TIMP4: variants seen among roughly 807,000 people sequenced by gnomAD.
TIMP4 encodes the protein metalloproteinase inhibitor 4.
A neutral mutation model predicts 27.3 loss-of-function variants in TIMP4; 28 were observed. The ratio of observed to expected loss-of-function variants is 1.03; its 90% CI spans 0.76 to 1.41. TIMP4 has a LOEUF of 1.41. Among genes scored for constraint, TIMP4 ranks in the 40% most tolerant of loss-of-function variants. The pLI is 0.00. For synonymous variants in TIMP4, 138 were observed against 115.5 expected, an observed-to-expected ratio of 1.20 and a Z score of -1.25; for missense variants, 307 against 285.5, an observed-to-expected ratio of 1.08 and a Z score of -0.54.
At chr3:12,154,207 C>T in intron 4 of TIMP4, 120 bp downstream of exon 4, 1 of 1,445,198 alleles carries the variant, frequency 6.9e-7, no homozygotes, top group Non-Finnish European at 9.4e-7. Flanking sequence ...CTTTCTCATC[C>T]CCAACTTCAT....
intron 1 of TIMP4, 83 bp from the exon 2 acceptor site, chr3:12,157,565 A>G (rs987642543): frequency 1.2e-5 from 16 of 1,338,308 alleles, no homozygotes; most frequent in Non-Finnish European, 1.6e-5. Context: ...GGGTCCATGA[A>G]GAAGTCTATA....
rs1004604073 is a variant in TIMP4, at chr3:12,158,743, G to T, written c.98C>A (p.Ala33Asp). The T allele has an allele frequency of 6.2e-6, 10 of 1,609,052 alleles. No individual in the cohort carries two copies. The highest frequency in any genetic ancestry group is 8.5e-6 in the Non-Finnish European group (10 of 1,179,672). Reference protein sequence around the residue: ...PPGLGEACSCAPAHPQQHICH... With the variant: ...PPGLGEACSCDPAHPQQHICH... ...GATGTGCTGCTGAGGGTGCGCCGGG[G>T]CGCAGCTGCATGCCTCACCCAGCCC... is the stretch of plus-strand genomic sequence containing the variant. Residue 33 changes from alanine to aspartate, a missense_variant, in exon 1 of 5, where the codon GCC becomes GAC. Ala to Asp is a moderately radical substitution (Grantham distance 126). Coordinates refer to ENST00000287814, the MANE Select transcript of TIMP4 (RefSeq NM_003256.4).
At chr3:12,156,131 G>A (rs746373291) in intron 3 of TIMP4, among the ~76,000 whole-genome samples, 17 of 152,186 alleles carry the variant, frequency 1.1e-4, no homozygotes, top group Non-Finnish European at 2.1e-4. Flanking sequence ...TGGATAGATC[G>A]TGGAATCCCT....
At chr3:12,157,117 A>C (rs2279750) in intron 2 of TIMP4, among the ~76,000 whole-genome samples, 183 bp from the exon 3 acceptor site, 12,227 of 152,196 alleles carry the variant, frequency 0.08, 866 homozygotes, top group East Asian at 0.19. Flanking sequence ...ACAACAAAAA[A>C]CACCTAAACC....
chr3:12,153,181 C>G lies in TIMP4; in HGVS notation c.*334G>C, dbSNP rs1250115191. On this transcript the variant is annotated 3_prime_UTR_variant, in exon 5 of 5. Transcript: ENST00000287814. ...TGTGTATGACATTCGCCATTTCTCC[C>G]CTACCAGATCGATTAAGACAAAGGA... is the stretch of plus-strand genomic sequence containing the variant. 3 of 394,012 alleles carry G rather than the reference C, an allele frequency of 7.6e-6. No homozygotes were observed. In the Admixed American group the frequency reaches 1.1e-4, roughly 14 times the overall value. The allele number at this position is 394,012 out of a possible 1,614,324, so 24.4% of individuals were successfully genotyped here.
At position 12,158,898 on chromosome 3, in the gene TIMP4, G is replaced by C; in HGVS notation, c.-58C>G. On this transcript the variant is annotated 5_prime_UTR_variant, in exon 1 of 5. Coordinates refer to ENST00000287814, the MANE Select transcript of TIMP4 (RefSeq NM_003256.4). ...TCTGGGGGACTGGACGGCCCCAGCAGGGCTCCTTCCCAAGGCCGTTGTGCC... is the reference window on the plus strand; with the variant it reads ...TCTGGGGGACTGGACGGCCCCAGCACGGCTCCTTCCCAAGGCCGTTGTGCC... 3.4e-6 allele frequency: 5 copies of C among 1,463,488 alleles called. No individual in the cohort carries two copies. In the South Asian group the frequency reaches 6.8e-5, roughly 20 times the overall value. The allele number at this position is 1,463,488 out of a possible 1,614,324, so 90.7% of individuals were successfully genotyped here.
At chr3:12,158,577 A>G (rs1018731642) in intron 1 of TIMP4, 125 bp downstream of exon 1, 29 of 1,427,968 alleles carry the variant, frequency 2.0e-5, no homozygotes, top group Non-Finnish European at 2.7e-5. Flanking sequence ...CATCAGCCTC[A>G]GCAAGAGACA....
intron 1 of TIMP4, 115 bp from the exon 2 acceptor site, chr3:12,157,597 T>G: frequency 1.0e-6 from 1 of 972,880 alleles, no homozygotes; most frequent in South Asian, 1.4e-5. Context: ...GGTTTTGGTG[T>G]GGCTGGGTTG....
chr3:12,153,712 T>G lies in TIMP4; in HGVS notation c.478A>C (p.Ile160Leu), dbSNP rs749858749. ...HHYHLNCGCQ[I>L]TTCYTVPCTI... ...CAGGGTACTGTGTAGCAGGTGGTGATCTAGAGTCATGGCCACACAACATTA... is the reference window on the plus strand; with the variant it reads ...CAGGGTACTGTGTAGCAGGTGGTGAGCTAGAGTCATGGCCACACAACATTA... Residue 160 changes from isoleucine (I) to leucine (L), a missense_variant and splice_region_variant, in exon 5 of 5, where the codon ATC becomes CTC. By Grantham distance (5) the Ile-to-Leu change is conservative. Transcript: ENST00000287814. The G allele has an allele frequency of 6.2e-7, 1 of 1,614,186 alleles. No individual in the cohort carries two copies. The highest frequency in any genetic ancestry group is 8.5e-7 in the Non-Finnish European group (1 of 1,180,028).
chr3:12,158,075 T>C (rs1473341787), intron 1 of TIMP4, among the ~76,000 whole-genome samples: 3 of 152,132 alleles, frequency 2.0e-5, no homozygotes, highest in Non-Finnish European at 4.4e-5. Flanking sequence ...CTTGATCTAG[T>C]GGAGTGCACA....
intron 4 of TIMP4, among the ~76,000 whole-genome samples, chr3:12,153,935 C>G (rs1050346246): frequency 2.6e-5 from 4 of 152,194 alleles, no homozygotes; most frequent in African/African-American, 9.7e-5. Flanking sequence ...TCTGAGGGTC[C>G]TTACTCTACC....
At chr3:12,155,793 A>G (rs1173914883) in intron 3 of TIMP4, among the ~76,000 whole-genome samples, 2 of 152,160 alleles carry the variant, frequency 1.3e-5, no homozygotes, top group Non-Finnish European at 2.9e-5. Flanking sequence ...CTCCATGCCT[A>G]GCAGCGGGCT....
intron 1 of TIMP4, 142 bp from the exon 2 acceptor site, chr3:12,157,624 T>A: frequency 1.4e-6 from 1 of 711,830 alleles, no homozygotes; most frequent in Non-Finnish European, 2.4e-6. Context: ...ACGTGATGTG[T>A]GAGAAGGGGG....
Position 12,154,475 on chromosome 3 carries a change from T to G in TIMP4, c.353-24A>C, listed in dbSNP as rs780626524. ...ACCTTCAAGGGGAGATGGAGGAGAG[T>G]CAAGCATCAGGATTCTTCTCCTGGA... On this transcript the variant is annotated intron_variant, in intron 3 of 4. Coordinates refer to ENST00000287814, the MANE Select transcript of TIMP4 (RefSeq NM_003256.4). 8.1e-6 allele frequency: 13 copies of G among 1,611,054 alleles called. No individual in the cohort carries two copies. In the South Asian group the frequency reaches 1.3e-4, roughly 16 times the overall value.
chr3:12,154,174 A>G (rs3817004), intron 4 of TIMP4, among the ~76,000 whole-genome samples, 153 bp downstream of exon 4: 12,244 of 152,170 alleles, frequency 0.08, 857 homozygotes, highest in East Asian at 0.19. Context: ...GTACTTTGAG[A>G]TCAGGGCCTA....
chr3:12,153,355 A>G lies in TIMP4; in HGVS notation c.*160T>C. The G allele has an allele frequency of 1.2e-6, 1 of 816,880 alleles. No homozygotes were observed. The highest frequency in any genetic ancestry group is 2.6e-5 in the East Asian group (1 of 38,966). The allele number at this position is 816,880 out of a possible 1,614,324, so 50.6% of individuals were successfully genotyped here. ...AGGCTGAGGGCAGGGCAGAAAAGTCATGGCCCCTTCCCTGCCTTGACAGTG... is the reference window on the plus strand; with the variant it reads ...AGGCTGAGGGCAGGGCAGAAAAGTCGTGGCCCCTTCCCTGCCTTGACAGTG... On this transcript the variant is annotated 3_prime_UTR_variant, in exon 5 of 5. Transcript: ENST00000287814.
chr3:12,154,476 C>A, intron 3 of TIMP4, 25 bp from the exon 4 acceptor site: 1 of 1,612,930 alleles, frequency 6.2e-7, no homozygotes, highest in South Asian at 1.1e-5. Context: ...GGAGGAGAGT[C>A]AAGCATCAGG....
intron 3 of TIMP4, among the ~76,000 whole-genome samples, chr3:12,155,723 T>C (rs566379952): frequency 1.3e-5 from 2 of 152,198 alleles, no homozygotes; most frequent in Non-Finnish European, 2.9e-5. Context: ...CTCCCCACCC[T>C]CAGTTAGACT....
intron 1 of TIMP4, among the ~76,000 whole-genome samples, chr3:12,158,042 C>G (rs1697508979): frequency 1.3e-5 from 2 of 152,190 alleles, no homozygotes; most frequent in Admixed American, 1.3e-4. Flanking sequence ...GTGATTAAGA[C>G]AGGGTCCCCA....
Sources: allele counts gnomAD v4.1 joint callset (sites outside exome capture counted in the v4.1 genomes callset), GRCh38; gene constraint gnomAD v4.1.1; transcripts MANE v1.5; gene names NCBI Gene and HGNC (gene_info 2026-07-23, HGNC 2026-07-21).